The following ADAMTSL3 variants were observed in gnomAD, a reference collection of about 807,000 sequenced individuals.
ADAMTSL3 encodes the protein ADAMTS like 3.
Under a neutral mutation model 201.7 loss-of-function variants are expected in ADAMTSL3, and 128 were observed. The observed-to-expected ratio is 0.63, with a 90% CI of 0.55 to 0.73. The LOEUF (loss-of-function observed/expected upper bound fraction) is 0.73. Ranked by LOEUF, ADAMTSL3 falls within the 30% of genes least tolerant of loss-of-function variation. The pLI is 0.00. For missense variants in ADAMTSL3, 1,990 were observed against 2,119.6 expected (o/e 0.94, Z 1.20); for synonymous variants, 738 against 748.4 (o/e 0.99, Z 0.23).
chr15:83,665,296 C>T (rs2061234296), intron 2 of ADAMTSL3, among the ~76,000 whole-genome samples: 1 of 152,072 alleles, frequency 6.6e-6, no homozygotes, highest in South Asian at 2.1e-4. Flanking sequence ...TCACCCTGAT[C>T]TTGGGAAATA....
intron 5 of ADAMTSL3, among the ~76,000 whole-genome samples, chr15:83,814,236 C>T (rs778279652): frequency 3.7e-4 from 57 of 152,136 alleles, no homozygotes; most frequent in Admixed American, 2.0e-3. Flanking sequence ...TGTCATTAGT[C>T]CTACTCTGGG....
At chr15:83,823,954 TCTTCTTCTTCTTCTTCTTCTCCTCCTC>T (rs1308049252) in intron 6 of ADAMTSL3, among the ~76,000 whole-genome samples, 3 of 68,442 alleles carry the variant, frequency 4.4e-5, no homozygotes, top group Non-Finnish European at 1.0e-4. Flanking sequence ...TTCTTCTTCT[TCTTCTTCTTCTTCTTCTTCTCCTCCTC>T]CTCCTCCTCC....
chr15:84,005,897 A>C (rs73443188), intron 23 of ADAMTSL3, among the ~76,000 whole-genome samples: 4,497 of 152,332 alleles, frequency 0.03, 212 homozygotes, highest in African/African-American at 0.1. Flanking sequence ...TTAAACAGCT[A>C]TTCAAGAGAA....
chr15:83,820,223 T>A (rs2063839961), intron 6 of ADAMTSL3, among the ~76,000 whole-genome samples, 176 bp downstream of exon 6: 1 of 152,184 alleles, frequency 6.6e-6, no homozygotes, highest in Admixed American at 6.5e-5. Context: ...CAAATACAAA[T>A]ACAAATTGTA....
At position 84,034,321 on chromosome 15, in the gene ADAMTSL3, A is replaced by AG. The variant is rs528135717; in HGVS notation, c.4755-2449dup. ...ATGGAGACCCCCCATTTGCCATAGT[A>AG]GGGCCTCAGGAAATGTTAGAGAGTG... On this transcript the variant is annotated intron_variant, in intron 28 of 29. Coordinates refer to ENST00000286744, the MANE Select transcript of ADAMTSL3 (RefSeq NM_207517.3). Among the ~76,000 whole-genome samples the AG allele has an allele frequency of 3.8e-4, 58 of 152,236 alleles. No individual in the cohort carries two copies. The East Asian group carries it at 8.1e-3, about 21-fold the overall frequency.
chr15:83,923,964 G>C lies in ADAMTSL3; in HGVS notation c.2048G>C (p.Ser683Thr). 6.2e-7 allele frequency: 1 copy of C among 1,614,164 alleles called. No homozygotes were observed. Among genetic ancestry groups the C allele is most frequent in the Non-Finnish European group, 8.5e-7 (1 of 1,179,996 alleles). Residue 683 changes from serine to threonine, a missense_variant, in exon 17 of 30, where the codon AGC becomes ACC. By Grantham distance (58) the Ser-to-Thr change is moderately conservative. Transcript: ENST00000286744. ...HIQTQQTVND[S>T]LCDMVHRPPA... ...CAGACCCAGCAGACAGTCAATGACAGCTTGTGTGATATGGTCCACCGTCCT... is the reference window on the plus strand; with the variant it reads ...CAGACCCAGCAGACAGTCAATGACACCTTGTGTGATATGGTCCACCGTCCT...
intron 9 of ADAMTSL3, among the ~76,000 whole-genome samples, chr15:83,879,281 C>T (rs1218305390): frequency 3.9e-5 from 6 of 152,114 alleles, no homozygotes. Flanking sequence ...ATTATGTCCA[C>T]TCTTACTTCT....
chr15:83,883,433 A>C (rs1479710761), intron 9 of ADAMTSL3, among the ~76,000 whole-genome samples: 2 of 151,896 alleles, frequency 1.3e-5, no homozygotes, highest in Admixed American at 6.6e-5. Flanking sequence ...TCAGCTTCCC[A>C]AAGTGCTGGG....
rs552078461 is a variant in ADAMTSL3, at chr15:83,881,944, G to A, written c.961-3157G>A. ...GGAGGTGGGCGGATCATGAGATCAG[G>A]AGATCGAGACCATCCTGGCTAACAT... On this transcript the variant is annotated intron_variant, in intron 9 of 29. Transcript: ENST00000286744. Among the ~76,000 whole-genome samples the A allele has an allele frequency of 4.6e-5, 7 of 152,168 alleles. No homozygotes were observed. In the East Asian group the frequency reaches 1.2e-3, roughly 25 times the overall value.
intron 19 of ADAMTSL3, among the ~76,000 whole-genome samples, chr15:83,961,257 A>G (rs956772148): frequency 2.6e-5 from 4 of 152,248 alleles, no homozygotes; most frequent in South Asian, 2.1e-4. Flanking sequence ...GGAATAAGTC[A>G]TATAAAATTA....
chr15:83,923,953 A>T lies in ADAMTSL3; in HGVS notation c.2037A>T (p.Thr679=). 6.2e-7 allele frequency: 1 copy of T among 1,614,210 alleles called. No homozygotes were observed. Among genetic ancestry groups the T allele is most frequent in the Non-Finnish European group, 8.5e-7 (1 of 1,180,010 alleles). Residue 679 remains threonine, a synonymous_variant, in exon 17 of 30, where the codon ACA becomes ACT. Coordinates refer to ENST00000286744, the MANE Select transcript of ADAMTSL3 (RefSeq NM_207517.3). ...AVCLHIQTQQ[T]VNDSLCDMVH... ...GCTTACATATCCAGACCCAGCAGAC[A>T]GTCAATGACAGCTTGTGTGATATGG... is the stretch of plus-strand genomic sequence containing the variant.
At chr15:83,781,813 C>T (rs536261358) in intron 4 of ADAMTSL3, among the ~76,000 whole-genome samples, 16 of 152,114 alleles carry the variant, frequency 1.1e-4, no homozygotes, top group Middle Eastern at 3.4e-3. Context: ...AAAAGTCATA[C>T]GAGAAAAAAG....
rs755607475 is a variant in ADAMTSL3, at chr15:83,892,775, G to A, written c.1354G>A (p.Gly452Arg). 3.7e-6 allele frequency: 6 copies of A among 1,614,022 alleles called. No homozygotes were observed. In the Admixed American group the frequency reaches 8.3e-5, roughly 22 times the overall value. The stretch of plus-strand genomic sequence containing the variant: ...TGTGTGTGTAGAGGAATCCATGCAT[G>A]GAGAGATATTGCAGGTGGAAGAATG... Reference protein sequence around the residue: ...SFVCVEESMHGEILQVEEWKC... With the variant: ...SFVCVEESMHREILQVEEWKC... Residue 452 changes from glycine (G) to arginine (R), a missense_variant, in exon 13 of 30, where the codon GGA becomes AGA. Coordinates refer to ENST00000286744, the MANE Select transcript of ADAMTSL3 (RefSeq NM_207517.3).
At chr15:83,916,683 T>G (rs142600812) in intron 16 of ADAMTSL3, among the ~76,000 whole-genome samples, 17 of 152,220 alleles carry the variant, frequency 1.1e-4, no homozygotes, top group African/African-American at 2.9e-4. Flanking sequence ...AGGTGACTCA[T>G]GCCTGTAATT....
chr15:83,977,478 A>G (rs1039697185), intron 20 of ADAMTSL3, among the ~76,000 whole-genome samples: 22 of 152,214 alleles, frequency 1.4e-4, no homozygotes, highest in Admixed American at 1.2e-3. Context: ...AGTTAAAACT[A>G]CAAAATCATC....
intron 23 of ADAMTSL3, among the ~76,000 whole-genome samples, chr15:84,010,862 C>G (rs1291146056): frequency 1.3e-5 from 2 of 152,182 alleles, no homozygotes; most frequent in African/African-American, 4.8e-5. Flanking sequence ...CCCATGCTTT[C>G]CTACATCTGC....
intron 15 of ADAMTSL3, among the ~76,000 whole-genome samples, chr15:83,910,018 C>T (rs1286578515): frequency 6.6e-6 from 1 of 152,198 alleles, no homozygotes; most frequent in Non-Finnish European, 1.5e-5. Context: ...CTCTTTCTCT[C>T]TCTCTCAACA....
intron 5 of ADAMTSL3, among the ~76,000 whole-genome samples, chr15:83,818,985 AC>A (rs1432839804): frequency 1.3e-5 from 2 of 152,158 alleles, no homozygotes; most frequent in East Asian, 3.9e-4. Flanking sequence ...ATTAAAAACA[AC>A]GACAGGCCGG....
chr15:83,685,973 C>T (rs538021943), intron 2 of ADAMTSL3, among the ~76,000 whole-genome samples: 29 of 151,660 alleles, frequency 1.9e-4, no homozygotes, highest in Non-Finnish European at 4.3e-4. Context: ...GCAATGGGCT[C>T]TTTCCAGCCT....
Sources: allele counts gnomAD v4.1 joint callset (sites outside exome capture counted in the v4.1 genomes callset), GRCh38; gene constraint gnomAD v4.1.1; transcripts MANE v1.5; gene names NCBI Gene and HGNC (gene_info 2026-07-23, HGNC 2026-07-21).